The following DDAH1 variants were observed in gnomAD, a reference collection of about 807,000 sequenced individuals.
The protein encoded by DDAH1 is N(G),N(G)-dimethylarginine dimethylaminohydrolase 1.
Under a neutral mutation model 28.8 loss-of-function variants are expected in DDAH1, and 19 were observed. That is an observed-to-expected ratio of 0.66 (90% CI 0.46 to 0.97). The LOEUF (loss-of-function observed/expected upper bound fraction) is 0.97, where lower values mean the gene tolerates loss of function less well. Ranked by LOEUF, DDAH1 falls within the 50% of genes least tolerant of loss-of-function variation. DDAH1 has a pLI of 0.00. For missense variants in DDAH1, 326 were observed against 375.9 expected (o/e 0.87, Z 1.10); for synonymous variants, 153 against 154.4 (o/e 0.99, Z 0.07).
intron 1 of DDAH1, among the ~76,000 whole-genome samples, chr1:85,532,820 T>C (rs1241662680): frequency 6.6e-6 from 1 of 152,244 alleles, no homozygotes; most frequent in Non-Finnish European, 1.5e-5. Context: ...TTAGAAAGTA[T>C]ATGACATCTA....
chr1:85,551,131 A>G (rs1442320141), intron 1 of DDAH1, among the ~76,000 whole-genome samples: 1 of 152,182 alleles, frequency 6.6e-6, no homozygotes, highest in Non-Finnish European at 1.5e-5. Context: ...AATGACCTAA[A>G]CTACTCATGA....
At chr1:85,396,669 T>C (rs757089474) in intron 1 of DDAH1, among the ~76,000 whole-genome samples, 1 of 152,204 alleles carries the variant, frequency 6.6e-6, no homozygotes, top group Non-Finnish European at 1.5e-5. Flanking sequence ...TGTTAAATTA[T>C]ATAGGAAATA....
chr1:85,361,589 G>C (rs1028667942), intron 1 of DDAH1, among the ~76,000 whole-genome samples: 1 of 152,172 alleles, frequency 6.6e-6, no homozygotes, highest in East Asian at 1.9e-4. Flanking sequence ...AGAGTATAAA[G>C]TATATACAGT....
At chr1:85,389,972 C>A (rs1651465672) in intron 1 of DDAH1, among the ~76,000 whole-genome samples, 1 of 152,200 alleles carries the variant, frequency 6.6e-6, no homozygotes, top group Non-Finnish European at 1.5e-5. Flanking sequence ...AAGACCTCAA[C>A]TTCTAACGAA....
chr1:85,555,046 C>T (rs866104205), intron 1 of DDAH1, among the ~76,000 whole-genome samples: 16 of 152,318 alleles, frequency 1.1e-4, no homozygotes, highest in Middle Eastern at 3.4e-3. Flanking sequence ...CCAAGCAGAG[C>T]ATTTTTCAGT....
chr1:85,505,742 G>A (rs556395162), intron 1 of DDAH1, among the ~76,000 whole-genome samples: 1 of 152,246 alleles, frequency 6.6e-6, no homozygotes, highest in African/African-American at 2.4e-5. Flanking sequence ...ATCCTGATTT[G>A]AGAAATTTTT....
At chr1:85,348,950 C>G (rs1649033193) in intron 4 of DDAH1, among the ~76,000 whole-genome samples, 2 of 152,196 alleles carry the variant, frequency 1.3e-5, no homozygotes, top group South Asian at 4.1e-4. Context: ...CACACAAATG[C>G]ATGGTATAGA....
chr1:85,569,173 A>G (rs1659384741), intron 1 of DDAH1, among the ~76,000 whole-genome samples: 1 of 152,220 alleles, frequency 6.6e-6, no homozygotes, highest in South Asian at 2.1e-4. Context: ...ACAGAGGCTT[A>G]TGTCTCCTTT....
intron 2 of DDAH1, among the ~76,000 whole-genome samples, chr1:85,475,869 C>A (rs1218278353): frequency 6.6e-6 from 1 of 152,072 alleles, no homozygotes; most frequent in South Asian, 2.1e-4. Flanking sequence ...TTGGTTTTTT[C>A]GAGACATGGT....
At chr1:85,365,417 A>G (rs558345573) in intron 1 of DDAH1, among the ~76,000 whole-genome samples, 1 of 152,352 alleles carries the variant, frequency 6.6e-6, no homozygotes, top group South Asian at 2.1e-4. Context: ...AAATTGCAGC[A>G]GTCTGAACTT....
rs1233313164 is a variant in DDAH1, at chr1:85,381,196, T to TCCAG, written c.304-22353_304-22350dup. On this transcript the variant is annotated intron_variant, in intron 1 of 5. Transcript: ENST00000284031. ...TTGCAGTGAGCCGAGATCACTGCAC[T>TCCAG]CCAGCCTGTGTGACAAGAGCAAAAC... Among the ~76,000 whole-genome samples, 8 of 147,564 alleles carry TCCAG rather than the reference T, an allele frequency of 5.4e-5. No individual in the cohort carries two copies. The East Asian group carries it at 1.6e-3, about 29-fold the overall frequency.
intron 1 of DDAH1, among the ~76,000 whole-genome samples, chr1:85,500,970 A>C (rs1656799311): frequency 6.6e-6 from 1 of 152,100 alleles, no homozygotes; most frequent in Middle Eastern, 3.4e-3. Flanking sequence ...TATTTACTGG[A>C]GTCCATATTT....
At chr1:85,404,761 T>C (rs1161028067) in intron 1 of DDAH1, among the ~76,000 whole-genome samples, 1 of 152,086 alleles carries the variant, frequency 6.6e-6, no homozygotes, top group Admixed American at 6.5e-5. Context: ...CTCTCTCAAG[T>C]TGAGTTATAT....
chr1:85,419,465 G>A (rs546307419), intron 1 of DDAH1, among the ~76,000 whole-genome samples: 3 of 145,278 alleles, frequency 2.1e-5, no homozygotes, highest in African/African-American at 5.1e-5. Flanking sequence ...ACTTGAAACC[G>A]GGAGACAGAG....
At chr1:85,462,652 G>A (rs181640914) in intron 1 of DDAH1, among the ~76,000 whole-genome samples, 2 of 152,236 alleles carry the variant, frequency 1.3e-5, no homozygotes, top group Admixed American at 1.3e-4. Context: ...CTACCAAGGC[G>A]GTGAGCTGGT....
At chr1:85,462,651 C>T (rs761052707) in intron 1 of DDAH1, among the ~76,000 whole-genome samples, 2 of 152,156 alleles carry the variant, frequency 1.3e-5, no homozygotes, top group Non-Finnish European at 2.9e-5. Flanking sequence ...CCTACCAAGG[C>T]GGTGAGCTGG....
intron 1 of DDAH1, among the ~76,000 whole-genome samples, chr1:85,428,428 C>T (rs776271923): frequency 6.6e-6 from 1 of 152,080 alleles, no homozygotes; most frequent in Non-Finnish European, 1.5e-5. Flanking sequence ...ACTCATAAGA[C>T]TTATTCATTA....
At chr1:85,564,861 CA>C (rs201212308) in intron 1 of DDAH1, among the ~76,000 whole-genome samples, 454 of 127,406 alleles carry the variant, frequency 3.6e-3, no homozygotes, top group Middle Eastern at 8.8e-3. Context: ...AAGACTATGT[CA>C]AAAAAAAAAA....
chr1:85,339,805 C>T (rs1648360389), intron 4 of DDAH1, among the ~76,000 whole-genome samples: 1 of 152,136 alleles, frequency 6.6e-6, no homozygotes, highest in South Asian at 2.1e-4. Flanking sequence ...CATGTGATTT[C>T]CACAGAGAAA....
Sources: gnomAD v4.1 joint callset for allele counts (sites outside exome capture counted in the v4.1 genomes callset) on GRCh38, gnomAD v4.1.1 for gene constraint, MANE v1.5 for transcripts, NCBI Gene and HGNC (gene_info 2026-07-23, HGNC 2026-07-21) for gene names.